LOC400499: variants seen among roughly 807,000 people sequenced by gnomAD.
chr16:11,485,406 T>A, the LOC400499 span, among the ~76,000 whole-genome samples: 2 of 152,142 alleles, frequency 1.3e-5, no homozygotes, highest in Non-Finnish European at 2.9e-5. Flanking sequence ...CAGACTGGAA[T>A]GTGTGTCTTC....
chr16:11,413,556 C>A, the LOC400499 span, among the ~76,000 whole-genome samples: 1 of 152,184 alleles, frequency 6.6e-6, no homozygotes, highest in South Asian at 2.1e-4. Flanking sequence ...GTGGGTTCCT[C>A]TTCACCGAGG....
the LOC400499 span, chr16:11,456,850 A>G: frequency 5.9e-6 from 9 of 1,536,288 alleles, no homozygotes; most frequent in Non-Finnish European, 7.0e-6. Flanking sequence ...CCCCACAGCC[A>G]ACACTCACCT....
the LOC400499 span, among the ~76,000 whole-genome samples, chr16:11,501,907 CCTT>C: frequency 6.6e-6 from 1 of 152,148 alleles, no homozygotes; most frequent in Non-Finnish European, 1.5e-5. Flanking sequence ...CACTTAATCT[CCTT>C]CTTGGCGCAC....
the LOC400499 span, among the ~76,000 whole-genome samples, chr16:11,445,010 G>A: frequency 1.3e-5 from 2 of 151,966 alleles, no homozygotes; most frequent in Admixed American, 1.3e-4. Flanking sequence ...GATCACTTAA[G>A]CCTAGGAGGA....
At chr16:11,518,028 T>C in the LOC400499 span, among the ~76,000 whole-genome samples, 5 of 152,032 alleles carry the variant, frequency 3.3e-5, no homozygotes, top group Admixed American at 1.3e-4. Flanking sequence ...CAGGCCTTGA[T>C]GGAGAGAAAT....
chr16:11,475,157 C>T, the LOC400499 span, among the ~76,000 whole-genome samples: 22 of 152,108 alleles, frequency 1.4e-4, no homozygotes, highest in African/African-American at 4.6e-4. Context: ...CCCTCCAGCC[C>T]GCTTTTCCCC....
At chr16:11,434,994 A>G in the LOC400499 span, among the ~76,000 whole-genome samples, 1 of 152,178 alleles carries the variant, frequency 6.6e-6, no homozygotes, top group South Asian at 2.1e-4. Flanking sequence ...TTACTATTTT[A>G]GAGTCAGGCT....
the LOC400499 span, among the ~76,000 whole-genome samples, chr16:11,432,634 T>C: frequency 6.6e-6 from 1 of 152,178 alleles, no homozygotes; most frequent in East Asian, 1.9e-4. Context: ...GCTGTTAAAC[T>C]TGCTGGAAAA....
At chr16:11,391,959 AG>A in the LOC400499 span, 1 of 544,664 alleles carries the variant, frequency 1.8e-6, no homozygotes, top group South Asian at 9.0e-5. Flanking sequence ...GCCAGGTCAG[AG>A]GGGGACCTCT....
the LOC400499 span, among the ~76,000 whole-genome samples, chr16:11,523,201 G>C: frequency 1.3e-5 from 2 of 152,182 alleles, no homozygotes; most frequent in African/African-American, 4.8e-5. Flanking sequence ...ATGGCTTAAG[G>C]CATTTTACTC....
chr16:11,517,589 C>T, the LOC400499 span, among the ~76,000 whole-genome samples: 4 of 152,164 alleles, frequency 2.6e-5, no homozygotes, highest in African/African-American at 7.2e-5. Context: ...GCAGAAACCC[C>T]GAACTGGAAG....
chr16:11,395,229 T>C, the LOC400499 span, among the ~76,000 whole-genome samples: 1 of 152,182 alleles, frequency 6.6e-6, no homozygotes, highest in Non-Finnish European at 1.5e-5. Flanking sequence ...CTGACCTCCC[T>C]GAATCTGTCC....
At chr16:11,376,273 A>G in the LOC400499 span, among the ~76,000 whole-genome samples, 2 of 152,032 alleles carry the variant, frequency 1.3e-5, no homozygotes, top group Admixed American at 1.3e-4. Flanking sequence ...TCATTGACAA[A>G]GGAAGCTCTC....
chr16:11,399,210 A>T, the LOC400499 span: 1 of 984,842 alleles, frequency 1.0e-6, no homozygotes, highest in Non-Finnish European at 1.2e-6. Context: ...GCCCCCTAGC[A>T]TCCCACCTTC....
the LOC400499 span, among the ~76,000 whole-genome samples, chr16:11,388,675 T>A: frequency 6.6e-6 from 1 of 152,192 alleles, no homozygotes; most frequent in Non-Finnish European, 1.5e-5. Context: ...GATCACATCC[T>A]TCCTAGGTCA....
the LOC400499 span, among the ~76,000 whole-genome samples, chr16:11,426,872 G>A: frequency 6.8e-6 from 1 of 146,418 alleles, no homozygotes; most frequent in Non-Finnish European, 1.5e-5. Context: ...ACTTCAGTCT[G>A]GGCGACAGAA....
chr16:11,482,790 G>T, the LOC400499 span, among the ~76,000 whole-genome samples: 3 of 151,852 alleles, frequency 2.0e-5, no homozygotes, highest in Non-Finnish European at 4.4e-5. Context: ...TACTCAAGTG[G>T]CTGAGGCTGG....
chr16:11,475,685 G>A, the LOC400499 span: 1 of 399,058 alleles, frequency 2.5e-6, no homozygotes, highest in Non-Finnish European at 4.4e-6. Flanking sequence ...GGCTCCTCAC[G>A]CCATCCCTGG....
chr16:11,391,615 G>T, the LOC400499 span: 224 of 1,221,072 alleles, frequency 1.8e-4, no homozygotes, highest in Non-Finnish European at 2.2e-4. Context: ...CGGTGGAGAG[G>T]GGGGACATTG....
Sources: gnomAD v4.1 joint callset for allele counts (sites outside exome capture counted in the v4.1 genomes callset) on GRCh38, gnomAD v4.1.1 for gene constraint, MANE v1.5 for transcripts.